The following CDH8 variants were observed in gnomAD, a reference collection of about 807,000 sequenced individuals.
The protein encoded by CDH8 is cadherin 8, also known as cadherin-8.
Under a neutral mutation model 68.1 loss-of-function variants are expected in CDH8, and 17 were observed. The observed-to-expected ratio is 0.25, with a 90% CI of 0.17 to 0.37. The LOEUF (loss-of-function observed/expected upper bound fraction) is 0.37. CDH8 is among the 10% of genes least tolerant of loss of function. CDH8 has a pLI of 1.00. For missense variants in CDH8, 763 were observed against 999.3 expected, an observed-to-expected ratio of 0.76 and a Z score of 3.19; for synonymous variants, 372 against 365.1, an observed-to-expected ratio of 1.02 and a Z score of -0.21.
chr16:62,026,421 A>G (rs1902199781), intron 1 of CDH8, among the ~76,000 whole-genome samples: 1 of 152,194 alleles, frequency 6.6e-6, no homozygotes, highest in South Asian at 2.1e-4. Flanking sequence ...TTGCGAAGCA[A>G]GTAGTTCTAC....
intron 2 of CDH8, among the ~76,000 whole-genome samples, chr16:61,918,026 G>A (rs1964276076): frequency 6.9e-6 from 1 of 145,356 alleles, no homozygotes; most frequent in African/African-American, 2.6e-5. Context: ...TGTAATGATG[G>A]GTACAACTGC....
At chr16:61,933,717 T>C (rs183905782) in intron 2 of CDH8, among the ~76,000 whole-genome samples, 2 of 149,502 alleles carry the variant, frequency 1.3e-5, no homozygotes, top group East Asian at 1.9e-4. Flanking sequence ...CTGGTGGTGA[T>C]TTTTTTTGTT....
At chr16:61,784,299 A>C (rs1407560652) in intron 8 of CDH8, among the ~76,000 whole-genome samples, 1 of 151,570 alleles carries the variant, frequency 6.6e-6, no homozygotes, top group African/African-American at 2.4e-5. Context: ...AGTATCTGAT[A>C]AAACAGACTT....
intron 2 of CDH8, among the ~76,000 whole-genome samples, chr16:62,001,667 G>A (rs912894055): frequency 6.6e-6 from 1 of 151,946 alleles, no homozygotes; most frequent in African/African-American, 2.4e-5. Flanking sequence ...ACTTCAAACC[G>A]GTTTTTTATT....
chr16:62,002,417 T>C (rs1373344600), intron 2 of CDH8, among the ~76,000 whole-genome samples: 5 of 152,330 alleles, frequency 3.3e-5, no homozygotes, highest in Admixed American at 6.5e-5. Context: ...AGAGGAACTA[T>C]ACGACTTCAT....
chr16:61,972,531 G>A (rs1965355762), intron 2 of CDH8, among the ~76,000 whole-genome samples: 1 of 147,744 alleles, frequency 6.8e-6, no homozygotes, highest in African/African-American at 2.5e-5. Flanking sequence ...TCTTCTCTTA[G>A]CAAGAAAAAT....
intron 2 of CDH8, among the ~76,000 whole-genome samples, chr16:61,976,691 A>G (rs1476029153): frequency 6.6e-6 from 1 of 152,204 alleles, no homozygotes; most frequent in African/African-American, 2.4e-5. Flanking sequence ...CAGTATTAAG[A>G]AGGACAGTTT....
intron 3 of CDH8, among the ~76,000 whole-genome samples, chr16:61,887,098 T>C (rs1057153841): frequency 6.6e-6 from 1 of 152,160 alleles, no homozygotes. Context: ...AATAAGTAGG[T>C]AACATTGGTA....
chr16:62,002,664 C>A (rs750520771), intron 2 of CDH8, among the ~76,000 whole-genome samples: 7 of 152,114 alleles, frequency 4.6e-5, no homozygotes, highest in Non-Finnish European at 1.0e-4. Context: ...TTGTAAAATA[C>A]CCCATTTTTT....
chr16:61,946,890 A>T (rs1964811004), intron 2 of CDH8, among the ~76,000 whole-genome samples: 1 of 152,198 alleles, frequency 6.6e-6, no homozygotes, highest in Non-Finnish European at 1.5e-5. Context: ...CTCTTGGGTG[A>T]TGCAGAACAA....
chr16:61,920,274 G>C (rs1371462831), intron 2 of CDH8, among the ~76,000 whole-genome samples: 1 of 129,932 alleles, frequency 7.7e-6, no homozygotes, highest in Non-Finnish European at 1.6e-5. Flanking sequence ...AAACTAAAGA[G>C]CTTCTGCACA....
At chr16:61,969,949 T>C (rs1965312263) in intron 2 of CDH8, among the ~76,000 whole-genome samples, 1 of 152,212 alleles carries the variant, frequency 6.6e-6, no homozygotes, top group Admixed American at 6.5e-5. Flanking sequence ...TGAAATACTA[T>C]AATAATGGTA....
At chr16:61,675,609 TA>T (rs564292780) in intron 10 of CDH8, among the ~76,000 whole-genome samples, 5,663 of 82,748 alleles carry the variant, frequency 0.068, 120 homozygotes, top group African/African-American at 0.079. Context: ...TAAAAAAAAA[TA>T]AAAAAAATAA....
intron 3 of CDH8, among the ~76,000 whole-genome samples, chr16:61,896,975 G>C (rs1436679448): frequency 6.6e-6 from 1 of 151,470 alleles, no homozygotes; most frequent in Non-Finnish European, 1.5e-5. Flanking sequence ...GATAGAACCA[G>C]GGTTCAAACT....
chr16:61,962,912 T>C (rs970625394), intron 2 of CDH8, among the ~76,000 whole-genome samples: 1 of 152,214 alleles, frequency 6.6e-6, no homozygotes, highest in East Asian at 1.9e-4. Flanking sequence ...TAACATCTTT[T>C]GATCTTTTTT....
chr16:61,828,340 C>T (rs1962385888), intron 4 of CDH8, among the ~76,000 whole-genome samples: 2 of 151,854 alleles, frequency 1.3e-5, no homozygotes, highest in Admixed American at 6.6e-5. Flanking sequence ...CCAGGGCTGC[C>T]CCTGTCTATG....
intron 2 of CDH8, among the ~76,000 whole-genome samples, chr16:61,963,192 T>A (rs1327223920): frequency 6.6e-6 from 1 of 152,122 alleles, no homozygotes; most frequent in East Asian, 1.9e-4. Flanking sequence ...AAGCAAGGAA[T>A]GATAAGGCAT....
At chr16:61,670,498 C>T (rs751418024) in intron 10 of CDH8, among the ~76,000 whole-genome samples, 39 of 152,042 alleles carry the variant, frequency 2.6e-4, no homozygotes, top group Middle Eastern at 3.4e-3. Context: ...ACATATATCA[C>T]TGATCTTGAA....
Position 61,655,949 on chromosome 16 carries a change from T to C in CDH8, c.1655-228A>G, listed in dbSNP as rs781291887. Among the ~76,000 whole-genome samples the C allele has an allele frequency of 1.5e-3, 231 of 150,822 alleles. 1 individual carries two copies. The highest frequency in any genetic ancestry group is 2.6e-3 in the Non-Finnish European group (177 of 67,844). On this transcript the variant is annotated intron_variant, in intron 10 of 11. Transcript: ENST00000577390. ...GTGCAGTGGCGCTATCTCGGCTCAC[T>C]GCAAGCTTCGCCTCCCGGGTTCACG...
Sources: gnomAD v4.1 joint callset for allele counts (sites outside exome capture counted in the v4.1 genomes callset) on GRCh38, gnomAD v4.1.1 for gene constraint, MANE v1.5 for transcripts, NCBI Gene and HGNC (gene_info 2026-07-23, HGNC 2026-07-21) for gene names.